Variants in CHRM3 observed in about 807,000 individuals in gnomAD.
CHRM3 encodes the protein cholinergic receptor muscarinic 3, also known as muscarinic acetylcholine receptor M3.
Under a neutral mutation model 41.8 loss-of-function variants are expected in CHRM3, and 11 were observed. The ratio of observed to expected loss-of-function variants is 0.26; its 90% CI spans 0.17 to 0.44. CHRM3 has a LOEUF of 0.44. Ranked by LOEUF, CHRM3 falls within the 20% of genes least tolerant of loss-of-function variation. CHRM3 has a pLI of 1.00. For synonymous variants in CHRM3, 297 were observed against 301.4 expected, an observed-to-expected ratio of 0.99 and a Z score of 0.15; for missense variants, 571 against 745.4, an observed-to-expected ratio of 0.77 and a Z score of 2.72.
rs758413973 is a variant in CHRM3, at chr1:239,874,285, G to GTATATATATATATA, written c.-19-33119_-19-33106dup. On this transcript the variant is annotated intron_variant, in intron 6 of 6. Transcript: ENST00000676153. ...AGACCTATATATATCTATATACACA[G>GTATATATATATATA]TATATATATATATATATATATATAT... Among the ~76,000 whole-genome samples the GTATATATATATATA allele has an allele frequency of 1.1e-3, 91 of 83,224 alleles. 6 individuals carry two copies. The highest frequency in any genetic ancestry group is 5.2e-3 in the African/African-American group (86 of 16,406). 54.6% of individuals were successfully genotyped at this position (83,224 alleles called of 152,430 possible). A position where few individuals can be genotyped will look rare whatever the true frequency, so the allele number is the denominator to read the frequency against.
chr1:239,681,924 A>G (rs1658607767), intron 5 of CHRM3, among the ~76,000 whole-genome samples: 1 of 152,188 alleles, frequency 6.6e-6, no homozygotes, highest in African/African-American at 2.4e-5. Flanking sequence ...AAGGTGTTGA[A>G]TCAACATGTG....
At position 239,499,397 on chromosome 1, in the gene CHRM3, G is replaced by A. The variant is rs538813231; in HGVS notation, c.-422+6590G>A. Reference sequence around the variant, plus strand: ...GTTTATGACCTTATTAATTCAGTAAGCACATATTGAACACTTACTGTATGT... The same window carrying A: ...GTTTATGACCTTATTAATTCAGTAAACACATATTGAACACTTACTGTATGT... On this transcript the variant is annotated intron_variant, in intron 2 of 6. Coordinates refer to ENST00000676153, the MANE Select transcript of CHRM3 (RefSeq NM_001375978.1). 3.3e-5 allele frequency among the ~76,000 whole-genome samples: 5 copies of A among 152,252 alleles called. No homozygotes were observed. The East Asian group carries it at 7.7e-4, about 23-fold the overall frequency.
intron 1 of CHRM3, among the ~76,000 whole-genome samples, chr1:239,460,168 T>C (rs1025480980): frequency 2.6e-5 from 4 of 152,162 alleles, no homozygotes; most frequent in Non-Finnish European, 5.9e-5. Context: ...CGCTGGACAT[T>C]TATCCATTAG....
At chr1:239,740,182 GC>G (rs1664715063) in intron 5 of CHRM3, among the ~76,000 whole-genome samples, 1 of 152,084 alleles carries the variant, frequency 6.6e-6, no homozygotes, top group South Asian at 2.1e-4. Context: ...TTCCTATTGG[GC>G]AGAAATAATA....
intron 4 of CHRM3, among the ~76,000 whole-genome samples, chr1:239,642,469 A>G (rs946121986): frequency 6.6e-6 from 1 of 151,806 alleles, no homozygotes; most frequent in African/African-American, 2.4e-5. Flanking sequence ...TCGTTTCTTT[A>G]TATTCTTTTT....
At chr1:239,771,614 C>A (rs1302955548) in intron 5 of CHRM3, among the ~76,000 whole-genome samples, 4 of 152,116 alleles carry the variant, frequency 2.6e-5, no homozygotes, top group African/African-American at 9.7e-5. Flanking sequence ...TAATGTAGAC[C>A]AAGGGTCGGC....
rs116812964 is a variant in CHRM3, at chr1:239,486,435, G to A, written c.-520-6274G>A. On this transcript the variant is annotated intron_variant, in intron 1 of 6. Transcript: ENST00000676153. ...TTTCAGCCATCATCCCCTGATGCCT[G>A]CCCATACACACAAGAACAATAGAAA... Among the ~76,000 whole-genome samples, 993 of 152,248 alleles carry A rather than the reference G, an allele frequency of 6.5e-3. 15 individuals are homozygous for A. Among genetic ancestry groups the A allele is most frequent in the African/African-American group, 0.023 (959 of 41,536 alleles).
At chr1:239,566,732 G>A (rs1246215841) in intron 3 of CHRM3, among the ~76,000 whole-genome samples, 1 of 152,092 alleles carries the variant, frequency 6.6e-6, no homozygotes. Context: ...AACTTTCATG[G>A]GGAAATGTTT....
At chr1:239,501,582 G>A (rs559237456) in intron 2 of CHRM3, among the ~76,000 whole-genome samples, 3 of 152,262 alleles carry the variant, frequency 2.0e-5, no homozygotes, top group Non-Finnish European at 2.9e-5. Flanking sequence ...TGGGCTGGGC[G>A]TGGTGGCTCA....
chr1:239,858,222 A>G (rs150538142), intron 6 of CHRM3, among the ~76,000 whole-genome samples: 21 of 152,334 alleles, frequency 1.4e-4, no homozygotes, highest in East Asian at 3.9e-4. Context: ...ACAATATTGC[A>G]GAACCAAGTG....
intron 1 of CHRM3, among the ~76,000 whole-genome samples, chr1:239,418,255 C>T (rs1459170879): frequency 6.6e-6 from 1 of 152,124 alleles, no homozygotes. Context: ...CTGCTGGCAG[C>T]TCATCTGTGT....
At chr1:239,897,697 T>A (rs1399615923) in intron 6 of CHRM3, among the ~76,000 whole-genome samples, 1 of 152,088 alleles carries the variant, frequency 6.6e-6, no homozygotes, top group Non-Finnish European at 1.5e-5. Context: ...GGTGAAGGGG[T>A]CATACTAATA....
intron 1 of CHRM3, among the ~76,000 whole-genome samples, chr1:239,393,877 CAT>C (rs1378692589): frequency 2.0e-5 from 3 of 152,106 alleles, no homozygotes; most frequent in African/African-American, 7.2e-5. Flanking sequence ...ATAATAAATA[CAT>C]GTTTGAGTAG....
chr1:239,422,227 T>C (rs1662008665), intron 1 of CHRM3, among the ~76,000 whole-genome samples: 1 of 152,212 alleles, frequency 6.6e-6, no homozygotes, highest in South Asian at 2.1e-4. Context: ...GAGCATAGGC[T>C]ACATTTTTTC....
At chr1:239,852,543 G>A (rs1293115919) in intron 6 of CHRM3, among the ~76,000 whole-genome samples, 1 of 152,164 alleles carries the variant, frequency 6.6e-6, no homozygotes, top group Non-Finnish European at 1.5e-5. Flanking sequence ...AGACTATAAA[G>A]TCATAGTAGC....
chr1:239,402,466 G>A (rs888640318), intron 1 of CHRM3, among the ~76,000 whole-genome samples: 3 of 151,966 alleles, frequency 2.0e-5, no homozygotes, highest in South Asian at 2.1e-4. Context: ...TGGATTTTAC[G>A]GTTCTGTAAC....
chr1:239,631,482 C>T (rs1262186890), intron 3 of CHRM3, among the ~76,000 whole-genome samples: 1 of 152,216 alleles, frequency 6.6e-6, no homozygotes, highest in Non-Finnish European at 1.5e-5. Context: ...GAGATCTCAT[C>T]CTCAAGTTCT....
intron 5 of CHRM3, among the ~76,000 whole-genome samples, chr1:239,755,424 T>A (rs1197328679): frequency 6.6e-6 from 1 of 152,182 alleles, no homozygotes. Context: ...ATGGAAAACC[T>A]TCAGACTATC....
intron 6 of CHRM3, among the ~76,000 whole-genome samples, chr1:239,859,509 T>A (rs1481732008): frequency 1.4e-5 from 2 of 148,068 alleles, no homozygotes; most frequent in Non-Finnish European, 3.0e-5. Flanking sequence ...CACTGCAAAC[T>A]CCGCCTCCCG....
Sources: allele counts gnomAD v4.1 joint callset (sites outside exome capture counted in the v4.1 genomes callset), GRCh38; gene constraint gnomAD v4.1.1; transcripts MANE v1.5; gene names NCBI Gene and HGNC (gene_info 2026-07-23, HGNC 2026-07-21).